The following TXLNB variants were observed in gnomAD, a reference collection of about 807,000 sequenced individuals.
TXLNB encodes beta-taxilin.
A neutral mutation model predicts 57.4 loss-of-function variants in TXLNB; 37 were observed. That is an observed-to-expected ratio of 0.64 (90% confidence interval 0.50 to 0.85). TXLNB has a LOEUF of 0.85. Among genes scored for constraint, TXLNB ranks in the 40% least tolerant of loss-of-function variants. The pLI, the probability that TXLNB is intolerant of heterozygous loss-of-function variation, is 0.00. For missense variants in TXLNB, 848 were observed against 825.6 expected (o/e 1.03, Z -0.33); for synonymous variants, 302 against 309.6 (o/e 0.98, Z 0.26).
chr6:139,239,120 A>G (rs1775869874), downstream of TXLNB: 1 of 152,228 alleles, frequency 6.6e-6, no homozygotes, highest in Non-Finnish European at 1.5e-5. The surrounding 1 kb of genome is among the most constrained non-coding windows in gnomAD (Gnocchi z 4.7). Context: ...TCCTCTTCTC[A>G]CAGCACGCTA....
At position 139,270,468 on chromosome 6, in the gene TXLNB, G is replaced by A; in HGVS notation, c.675C>T (p.Asn225=). Residue 225 remains asparagine (N), a synonymous_variant, in exon 4 of 10, where the codon AAC becomes AAT. Transcript: ENST00000358430. ...ESLCRELQRH[N]KTLKEEALQR... ...CATGGGGACATACCTTCAGAGTCTT[G>A]TTGTGTCTCTGCAGCTCCCGGCACA... 6.2e-7 allele frequency: 1 copy of A among 1,613,766 alleles called. No homozygotes were observed. Among genetic ancestry groups the A allele is most frequent in the South Asian group, 1.1e-5 (1 of 90,972 alleles).
the TXLNB span, among the ~76,000 whole-genome samples, chr6:139,212,994 C>G: frequency 6.6e-6 from 1 of 152,148 alleles, no homozygotes; most frequent in East Asian, 1.9e-4. Context: ...CCTTAGTGAC[C>G]TACAAAGAGA....
At chr6:139,170,123 A>T in the TXLNB span, 1 of 152,258 alleles carries the variant, frequency 6.6e-6, no homozygotes, top group East Asian at 1.9e-4. Context: ...TTTTAGAGGG[A>T]AGTGGATGGA....
chr6:139,206,811 C>T, the TXLNB span, among the ~76,000 whole-genome samples: 1 of 151,992 alleles, frequency 6.6e-6, no homozygotes, highest in Non-Finnish European at 1.5e-5. Context: ...AAAGATATTC[C>T]ACACAAATGG....
the TXLNB span, among the ~76,000 whole-genome samples, chr6:139,193,841 T>TATATATATATATATATATA: frequency 3.9e-5 from 1 of 25,764 alleles, no homozygotes; most frequent in African/African-American, 1.6e-4. Flanking sequence ...TATATATATA[T>TATATATATATATATATATA]TTTTTTTTTT....
the TXLNB span, among the ~76,000 whole-genome samples, chr6:139,309,225 T>C: frequency 3.3e-5 from 5 of 152,252 alleles, no homozygotes; most frequent in Non-Finnish European, 5.9e-5. Flanking sequence ...GAGTTATTTC[T>C]GAGCCAGGAC....
upstream of TXLNB, among the ~76,000 whole-genome samples, chr6:139,294,686 T>A (rs1777358760): frequency 6.6e-6 from 1 of 152,178 alleles, no homozygotes; most frequent in African/African-American, 2.4e-5. Context: ...TACAGAACTA[T>A]GAGAAATAAA....
the TXLNB span, among the ~76,000 whole-genome samples, chr6:139,223,041 G>A: frequency 6.6e-6 from 1 of 152,186 alleles, no homozygotes; most frequent in East Asian, 1.9e-4. Flanking sequence ...ACAACTGCAG[G>A]CGGAACATTT....
Position 139,242,973 on chromosome 6 carries a change from G to C in TXLNB, c.1608C>G (p.Ala536=). The change falls in exon 10 of 10, where the codon GCC becomes GCG. Residue 536 remains alanine (A), a synonymous_variant. Coordinates refer to ENST00000358430, the MANE Select transcript of TXLNB (RefSeq NM_153235.4). ...GGGGTTGCTCTGGCTCCTTGAGAGC[G>C]GCGTCAGCACTCTCCTGAGAACTGC... is the stretch of plus-strand genomic sequence containing the variant. ...EIGSSQESAD[A]ALKEPEQPPL... 1 of 1,614,160 alleles carries C rather than the reference G, an allele frequency of 6.2e-7. No individual in the cohort carries two copies. Among genetic ancestry groups the C allele is most frequent in the East Asian group, 2.2e-5 (1 of 44,872 alleles).
At chr6:139,286,009 A>T (rs1458413609) in intron 2 of TXLNB, among the ~76,000 whole-genome samples, 1 of 150,286 alleles carries the variant, frequency 6.7e-6, no homozygotes, top group African/African-American at 2.4e-5. Flanking sequence ...TACATTTTCT[A>T]TTTCTTATCT....
At chr6:139,181,710 G>A in the TXLNB span, among the ~76,000 whole-genome samples, 1 of 152,190 alleles carries the variant, frequency 6.6e-6, no homozygotes, top group African/African-American at 2.4e-5. Flanking sequence ...ATAAGGGAGT[G>A]CCTACTGTGT....
the TXLNB span, among the ~76,000 whole-genome samples, chr6:139,223,443 A>G: frequency 6.6e-6 from 1 of 152,154 alleles, no homozygotes; most frequent in Non-Finnish European, 1.5e-5. Flanking sequence ...ATGAAATAGA[A>G]AACAAATGTA....
the TXLNB span, among the ~76,000 whole-genome samples, chr6:139,313,765 G>T: frequency 6.6e-6 from 1 of 151,968 alleles, no homozygotes; most frequent in Non-Finnish European, 1.5e-5. Flanking sequence ...CACAAAATAG[G>T]ATCTCAAACT....
At chr6:139,250,319 A>C (rs1331882071) in intron 7 of TXLNB, among the ~76,000 whole-genome samples, 1 of 143,150 alleles carries the variant, frequency 7.0e-6, no homozygotes, top group African/African-American at 2.6e-5. Context: ...ACTCTGACAT[A>C]TTCTGTTCAA....
At chr6:139,217,639 A>T in the TXLNB span, among the ~76,000 whole-genome samples, 5 of 151,968 alleles carry the variant, frequency 3.3e-5, no homozygotes, top group African/African-American at 7.3e-5. Context: ...GAGGCCAAGG[A>T]GGGCAGATCA....
intron 7 of TXLNB, among the ~76,000 whole-genome samples, chr6:139,251,083 C>A (rs920314671): frequency 1.3e-5 from 2 of 152,074 alleles, no homozygotes; most frequent in Non-Finnish European, 2.9e-5. Context: ...ACAGACACAC[C>A]CAGAGTTCTG....
chr6:139,293,443 A>T (rs1251429049), upstream of TXLNB, among the ~76,000 whole-genome samples: 2 of 152,016 alleles, frequency 1.3e-5, no homozygotes, highest in African/African-American at 2.4e-5. Context: ...GAGGCAGAAA[A>T]GGAGATTTGA....
At chr6:139,233,990 C>T in the TXLNB span, among the ~76,000 whole-genome samples, 50 of 152,228 alleles carry the variant, frequency 3.3e-4, no homozygotes, top group Non-Finnish European at 6.5e-4. Context: ...CTGAGGTGAC[C>T]TCAGATGGTG....
intron 7 of TXLNB, among the ~76,000 whole-genome samples, chr6:139,253,779 G>A (rs1776268327): frequency 6.6e-6 from 1 of 152,196 alleles, no homozygotes; most frequent in Non-Finnish European, 1.5e-5. Context: ...GTTTAACAAT[G>A]TAATCTACTC....
Sources: allele counts gnomAD v4.1 joint callset (sites outside exome capture counted in the v4.1 genomes callset), GRCh38; gene constraint gnomAD v4.1.1; non-coding constraint Gnocchi (gnomAD v3.1); transcripts MANE v1.5; gene names NCBI Gene and HGNC (gene_info 2026-07-23, HGNC 2026-07-21).